DCDC1: variants seen among roughly 807,000 people sequenced by gnomAD.
DCDC1 encodes the protein doublecortin domain-containing protein 1.
In DCDC1, 200 loss-of-function variants were observed where a neutral mutation model predicts 178.3. The observed-to-expected ratio is 1.12, with a 90% CI of 1.00 to 1.26. The LOEUF (loss-of-function observed/expected upper bound fraction) is 1.26. Among genes scored for constraint, DCDC1 ranks in the 50% most tolerant of loss-of-function variants. The pLI is 0.00. For synonymous variants in DCDC1, 690 were observed against 604.8 expected (o/e 1.14, Z -2.07); for missense variants, 1,983 against 1,749.2 (o/e 1.13, Z -2.38).
chr11:30,923,655 G>A (rs1251862665), intron 23 of DCDC1, among the ~76,000 whole-genome samples: 1 of 151,170 alleles, frequency 6.6e-6, no homozygotes, highest in Non-Finnish European at 1.5e-5. Flanking sequence ...GTCTCACTCT[G>A]TAGCCCAAGC....
At chr11:31,071,421 G>C (rs1322923940) in intron 18 of DCDC1, among the ~76,000 whole-genome samples, 1 of 152,104 alleles carries the variant, frequency 6.6e-6, no homozygotes, top group African/African-American at 2.4e-5. Context: ...GAGTCATAAG[G>C]AATATGCATT....
At chr11:30,882,386 T>C (rs994116241) in intron 36 of DCDC1, 3 of 152,198 alleles carry the variant, frequency 2.0e-5, no homozygotes, top group African/African-American at 7.2e-5. Flanking sequence ...CTCTATAGAA[T>C]AGGATAGTCA....
intron 34 of DCDC1, among the ~76,000 whole-genome samples, chr11:30,897,582 CAAAAAAAAA>C (rs35815662): frequency 1.4e-5 from 1 of 72,958 alleles, no homozygotes; most frequent in Non-Finnish European, 2.6e-5. Context: ...GACTCCGTCT[CAAAAAAAAA>C]AAAAAAAAAA....
At chr11:31,338,736 A>C (rs1950393769) in intron 1 of DCDC1, among the ~76,000 whole-genome samples, 1 of 152,170 alleles carries the variant, frequency 6.6e-6, no homozygotes. Flanking sequence ...GATATCTGGA[A>C]TGTGATCATG....
chr11:31,279,239 C>CTT (rs371559594), intron 7 of DCDC1, among the ~76,000 whole-genome samples: 2 of 150,802 alleles, frequency 1.3e-5, no homozygotes, highest in African/African-American at 4.9e-5. Context: ...ATTTCATTTT[C>CTT]TTTTTTTTGT....
At chr11:30,883,987 A>G (rs1487168072) in intron 36 of DCDC1, among the ~76,000 whole-genome samples, 4 of 150,858 alleles carry the variant, frequency 2.7e-5, no homozygotes, top group South Asian at 2.1e-4. Flanking sequence ...TGAAACGACC[A>G]AAAAAGGAGG....
At chr11:31,058,593 C>T (rs557949476) in intron 20 of DCDC1, among the ~76,000 whole-genome samples, 57 of 152,058 alleles carry the variant, frequency 3.7e-4, no homozygotes, top group African/African-American at 1.4e-3. Context: ...AAATGGTGAT[C>T]AGAGATATGA....
chr11:31,268,377 C>T (rs1945319695), intron 7 of DCDC1, among the ~76,000 whole-genome samples: 1 of 152,106 alleles, frequency 6.6e-6, no homozygotes, highest in South Asian at 2.1e-4. Flanking sequence ...TCCCTCCTTC[C>T]CTCCCGCTGT....
chr11:30,915,529 A>G lies in DCDC1; in HGVS notation c.3635T>C (p.Ile1212Thr), dbSNP rs751842097. 1 of 1,613,922 alleles carries G rather than the reference A, an allele frequency of 6.2e-7. No individual in the cohort carries two copies. Among genetic ancestry groups the G allele is most frequent in the Admixed American group, 1.7e-5 (1 of 60,030 alleles). Residue 1212 changes from isoleucine to threonine, a missense_variant, in exon 27 of 39, where the codon ATA (isoleucine) becomes ACA (threonine). By Grantham distance (89) the Ile-to-Thr change is moderately conservative. Transcript: ENST00000684477. ...GGATTACCTGCTGTCTTCCTGGTGT[A>G]TCCAGCGCTGATGACTACCATCAGA... ...KKSDGSHQRW[I>T]HQEDSRTFHL...
At chr11:31,216,109 C>T (rs912346672) in intron 9 of DCDC1, among the ~76,000 whole-genome samples, 1 of 151,962 alleles carries the variant, frequency 6.6e-6, no homozygotes, top group Non-Finnish European at 1.5e-5. Flanking sequence ...GAAAGGACAC[C>T]AAGAAACTTC....
At chr11:31,017,800 C>T (rs1952586556) in intron 20 of DCDC1, among the ~76,000 whole-genome samples, 1 of 152,100 alleles carries the variant, frequency 6.6e-6, no homozygotes, top group Non-Finnish European at 1.5e-5. Flanking sequence ...ACTATGTTGC[C>T]CAGGCTGGTA....
In DCDC1 at chr11:31,299,189, T is replaced by C. The variant is rs558021585; in HGVS notation, c.754+6426A>G. ...AATACTTGCGCTCTTTGTTTCTGCA[T>C]GTTCTTAAGTGTCATCATTTATTGC... On this transcript the variant is annotated intron_variant, in intron 6 of 38. Coordinates refer to ENST00000684477, the MANE Select transcript of DCDC1 (RefSeq NM_001387274.1). 1.2e-4 allele frequency among the ~76,000 whole-genome samples: 19 copies of C among 152,350 alleles called. No homozygotes were observed. The East Asian group carries it at 3.1e-3, about 25-fold the overall frequency.
chr11:31,184,999 G>C (rs978677841), intron 9 of DCDC1, among the ~76,000 whole-genome samples: 1 of 152,100 alleles, frequency 6.6e-6, no homozygotes, highest in African/African-American at 2.4e-5. Flanking sequence ...GCAAAGACTG[G>C]GAACCAACCC....
At position 31,260,042 on chromosome 11, in the gene DCDC1, G is replaced by T. The variant is rs567975899; in HGVS notation, c.1054+5465C>A. 4.7e-4 allele frequency among the ~76,000 whole-genome samples: 72 copies of T among 152,242 alleles called. 1 individual carries two copies. In the South Asian group the frequency reaches 8.3e-3, roughly 18 times the overall value. ...TGGAAACAAGGCATATGAAAATGTTGGTGTAGACCTAATTCAACTTCTGAG... is the reference window on the plus strand; with the variant it reads ...TGGAAACAAGGCATATGAAAATGTTTGTGTAGACCTAATTCAACTTCTGAG... On this transcript the variant is annotated intron_variant, in intron 8 of 38. Coordinates refer to ENST00000684477, the MANE Select transcript of DCDC1 (RefSeq NM_001387274.1).
In DCDC1 at chr11:30,867,939, G is replaced by A. The variant is rs550016853; in HGVS notation, c.*41-2607C>T. ...GATGTAGCAGCTTATATGGTCCCTC[G>A]GCCAGTCAGCATCAAGTTGGATGAT... is the stretch of plus-strand genomic sequence containing the variant. On this transcript the variant is annotated intron_variant, in intron 38 of 38. Coordinates refer to ENST00000684477, the MANE Select transcript of DCDC1 (RefSeq NM_001387274.1). Among the ~76,000 whole-genome samples the A allele has an allele frequency of 5.9e-5, 9 of 152,110 alleles. No homozygotes were observed. In the Middle Eastern group the frequency reaches 0.01, roughly 172 times the overall value.
At chr11:30,902,882 C>T (rs1944793409) in intron 32 of DCDC1, among the ~76,000 whole-genome samples, 1 of 152,136 alleles carries the variant, frequency 6.6e-6, no homozygotes, top group Non-Finnish European at 1.5e-5. Flanking sequence ...AGTCACTGCC[C>T]TCAAATTGCA....
chr11:31,064,329 T>C (rs1956131295), intron 20 of DCDC1, 140 bp downstream of exon 20: 1 of 589,690 alleles, frequency 1.7e-6, no homozygotes, highest in South Asian at 2.5e-5. Context: ...TCATCAAATG[T>C]GACCCAAAAA....
chr11:31,041,242 G>A (rs777264303), intron 20 of DCDC1, among the ~76,000 whole-genome samples: 4 of 152,178 alleles, frequency 2.6e-5, no homozygotes, highest in Non-Finnish European at 5.9e-5. Flanking sequence ...CAGACAATAA[G>A]ATGTAACAAA....
At chr11:30,937,984 C>T (rs188157285) in intron 21 of DCDC1, among the ~76,000 whole-genome samples, 140 of 152,220 alleles carry the variant, frequency 9.2e-4, no homozygotes, top group African/African-American at 3.2e-3. Context: ...TCACTTGCAT[C>T]CACCAGTTTC....
Sources: allele counts gnomAD v4.1 joint callset (sites outside exome capture counted in the v4.1 genomes callset), GRCh38; gene constraint gnomAD v4.1.1; transcripts MANE v1.5; gene names NCBI Gene and HGNC (gene_info 2026-07-23, HGNC 2026-07-21).